The following SLC12A8 variants were observed in gnomAD, a reference collection of about 807,000 sequenced individuals.
The protein encoded by SLC12A8 is cation-chloride cotransporter 9.
A neutral mutation model predicts 75.6 loss-of-function variants in SLC12A8; 69 were observed. The observed-to-expected ratio is 0.91, with a 90% confidence interval of 0.75 to 1.11. SLC12A8 has a LOEUF of 1.11. Among genes scored for constraint, SLC12A8 ranks in the 50% most tolerant of loss-of-function variants. The pLI, the probability that SLC12A8 is intolerant of heterozygous loss-of-function variation, is 0.00. For synonymous variants in SLC12A8, 365 were observed against 372.8 expected (o/e 0.98, Z 0.24); for missense variants, 877 against 896.7 (o/e 0.98, Z 0.28).
rs527731701 is a variant in SLC12A8, at chr3:125,198,941, C to T, written c.52-8420G>A. Among the ~76,000 whole-genome samples the T allele has an allele frequency of 2.0e-4, 30 of 151,866 alleles. No homozygotes were observed. In the South Asian group the frequency reaches 4.2e-3, roughly 21 times the overall value. ...TACAGGCACCCGCCACCACGCCCGG[C>T]TAATTTTTTTGAATTTTTAGTAGAG... On this transcript the variant is annotated intron_variant, in intron 2 of 13. Transcript: ENST00000469902.
At chr3:125,168,570 C>T (rs1346660156) in intron 5 of SLC12A8, among the ~76,000 whole-genome samples, 1 of 152,148 alleles carries the variant, frequency 6.6e-6, no homozygotes, top group East Asian at 1.9e-4. Flanking sequence ...CGTGGCCTCC[C>T]TGCCCACATC....
chr3:125,147,572 C>T (rs956007493), intron 5 of SLC12A8, among the ~76,000 whole-genome samples: 1 of 152,210 alleles, frequency 6.6e-6, no homozygotes, highest in Non-Finnish European at 1.5e-5. Context: ...TCCGGATCCC[C>T]TCCTCATCCG....
intron 2 of SLC12A8, among the ~76,000 whole-genome samples, chr3:125,209,109 A>C (rs901117858): frequency 6.6e-6 from 1 of 152,168 alleles, no homozygotes; most frequent in African/African-American, 2.4e-5. Context: ...GGTTCCCAGG[A>C]AATTTCTTGA....
intron 13 of SLC12A8, 141 bp from the exon 14 acceptor site, chr3:125,084,193 T>C: frequency 9.1e-6 from 6 of 656,526 alleles, no homozygotes; most frequent in Non-Finnish European, 1.6e-5. Context: ...GAAAGGTATA[T>C]GTACAGGTAT....
chr3:125,202,702 A>G (rs1450707210), intron 2 of SLC12A8, among the ~76,000 whole-genome samples: 1 of 151,728 alleles, frequency 6.6e-6, no homozygotes, highest in Non-Finnish European at 1.5e-5. Context: ...CTGACCAAGG[A>G]CATGAAAAAC....
At chr3:125,195,520 G>A (rs1334518493) in intron 2 of SLC12A8, among the ~76,000 whole-genome samples, 1 of 152,122 alleles carries the variant, frequency 6.6e-6, no homozygotes, top group Non-Finnish European at 1.5e-5. Flanking sequence ...TCGTGGCTGT[G>A]TCAGTCTCTT....
chr3:125,086,307 C>G (rs1938460495), intron 13 of SLC12A8, among the ~76,000 whole-genome samples: 1 of 152,190 alleles, frequency 6.6e-6, no homozygotes, highest in Admixed American at 6.5e-5. Context: ...CCCACAGAGC[C>G]TGGTGTTTGT....
At chr3:125,150,806 G>C (rs973503589) in intron 5 of SLC12A8, among the ~76,000 whole-genome samples, 3 of 152,174 alleles carry the variant, frequency 2.0e-5, no homozygotes, top group Admixed American at 1.3e-4. Flanking sequence ...GGGGAAAATA[G>C]AATGAGCAAT....
intron 5 of SLC12A8, among the ~76,000 whole-genome samples, chr3:125,147,745 C>T (rs536539941): frequency 2.0e-5 from 3 of 152,256 alleles, no homozygotes; most frequent in South Asian, 2.1e-4. Context: ...CCTGACTGAA[C>T]GTGATTGAGG....
chr3:125,111,546 A>G (rs1035313158), intron 8 of SLC12A8, among the ~76,000 whole-genome samples: 2 of 152,202 alleles, frequency 1.3e-5, no homozygotes, highest in African/African-American at 4.8e-5. Flanking sequence ...AGAACTGTAC[A>G]TTCCAAGTAC....
intron 2 of SLC12A8, among the ~76,000 whole-genome samples, chr3:125,195,482 T>A (rs1005662778): frequency 3.9e-5 from 6 of 152,228 alleles, no homozygotes; most frequent in African/African-American, 1.4e-4. Context: ...TCTGTATAGA[T>A]TTAGTCATTC....
intron 10 of SLC12A8, among the ~76,000 whole-genome samples, chr3:125,106,742 T>C (rs1939036188): frequency 6.6e-6 from 1 of 152,148 alleles, no homozygotes; most frequent in South Asian, 2.1e-4. Flanking sequence ...GAGAGCATAA[T>C]GTAGAGGAAA....
intron 5 of SLC12A8, among the ~76,000 whole-genome samples, chr3:125,158,371 C>T (rs932661716): frequency 2.0e-5 from 3 of 152,106 alleles, no homozygotes; most frequent in Non-Finnish European, 4.4e-5. Context: ...CAGGCATGTG[C>T]CACCACGCCC....
chr3:125,193,910 C>G lies in SLC12A8; in HGVS notation c.52-3389G>C, dbSNP rs76904804. ...CACCAGGAGAGAGGTCTGGTCCCAACCATGGGTAGCTCTCTTTAGGACCTA... is the reference window on the plus strand; with the variant it reads ...CACCAGGAGAGAGGTCTGGTCCCAAGCATGGGTAGCTCTCTTTAGGACCTA... On this transcript the variant is annotated intron_variant, in intron 2 of 13. Transcript: ENST00000469902. Among the ~76,000 whole-genome samples, 737 of 152,316 alleles carry G rather than the reference C, an allele frequency of 4.8e-3. 4 individuals carry two copies. Among genetic ancestry groups the G allele is most frequent in the African/African-American group, 0.017 (693 of 41,556 alleles).
chr3:125,207,458 T>C (rs1935247795), intron 2 of SLC12A8, among the ~76,000 whole-genome samples: 1 of 152,194 alleles, frequency 6.6e-6, no homozygotes, highest in Non-Finnish European at 1.5e-5. Context: ...TCTTATTCCA[T>C]AAGAACTAGG....
chr3:125,137,111 G>A (rs540610267), intron 5 of SLC12A8, among the ~76,000 whole-genome samples: 1 of 152,270 alleles, frequency 6.6e-6, no homozygotes, highest in African/African-American at 2.4e-5. Context: ...CCCGCTCGGA[G>A]CTTAATTACA....
At chr3:125,210,144 T>C (rs1306187457) in intron 2 of SLC12A8, among the ~76,000 whole-genome samples, 1 of 152,246 alleles carries the variant, frequency 6.6e-6, no homozygotes, top group Non-Finnish European at 1.5e-5. Context: ...CAATTTAACT[T>C]GCATTGTGGT....
intron 5 of SLC12A8, among the ~76,000 whole-genome samples, chr3:125,140,816 C>G (rs1933612694): frequency 1.3e-5 from 2 of 152,178 alleles, no homozygotes; most frequent in Non-Finnish European, 2.9e-5. Context: ...AACTCCCAGC[C>G]TCGAGCAACC....
At chr3:125,150,622 C>G (rs1933896585) in intron 5 of SLC12A8, among the ~76,000 whole-genome samples, 1 of 152,188 alleles carries the variant, frequency 6.6e-6, no homozygotes, top group African/African-American at 2.4e-5. Context: ...CTGAGACACA[C>G]TGTTCTCAGA....
Sources: gnomAD v4.1 joint callset for allele counts (sites outside exome capture counted in the v4.1 genomes callset) on GRCh38, gnomAD v4.1.1 for gene constraint, MANE v1.5 for transcripts, NCBI Gene and HGNC (gene_info 2026-07-23, HGNC 2026-07-21) for gene names.